The following ODAD2 variants were observed in gnomAD, a reference collection of about 807,000 sequenced individuals.
ODAD2 encodes outer dynein arm docking complex subunit 2, also known as outer dynein arm-docking complex subunit 2.
A neutral mutation model predicts 106.8 loss-of-function variants in ODAD2; 89 were observed. The observed-to-expected ratio is 0.83, with a 90% CI of 0.70 to 0.99. ODAD2 has a LOEUF of 0.99. Among genes scored for constraint, ODAD2 ranks in the 50% least tolerant of loss-of-function variants. ODAD2 has a pLI of 0.00. For missense variants in ODAD2, 1,168 were observed against 1,238.5 expected, an observed-to-expected ratio of 0.94 and a Z score of 0.85; for synonymous variants, 404 against 436.2, an observed-to-expected ratio of 0.93 and a Z score of 0.92.
intron 19 of ODAD2, among the ~76,000 whole-genome samples, chr10:27,840,557 C>T (rs902605043): frequency 2.0e-5 from 3 of 152,160 alleles, no homozygotes; most frequent in African/African-American, 7.2e-5. Context: ...CTGGGCCAAT[C>T]AGCTTCCCTT....
At chr10:27,846,229 G>T (rs1838739810) in intron 19 of ODAD2, among the ~76,000 whole-genome samples, 1 of 152,092 alleles carries the variant, frequency 6.6e-6, no homozygotes, top group South Asian at 2.1e-4. Flanking sequence ...CTGTCTCTCA[G>T]ACCACAGTGC....
At chr10:27,982,064 C>T (rs142773722) in intron 6 of ODAD2, among the ~76,000 whole-genome samples, 2 of 152,256 alleles carry the variant, frequency 1.3e-5, no homozygotes, top group East Asian at 1.9e-4. Flanking sequence ...CTCTGTGTAA[C>T]GATCTGTCCA....
chr10:27,998,151 C>G (rs558597340), intron 1 of ODAD2, among the ~76,000 whole-genome samples: 1 of 152,344 alleles, frequency 6.6e-6, no homozygotes, highest in South Asian at 2.1e-4. Flanking sequence ...AGGCAGCCAT[C>G]AGCTCTGAGA....
chr10:27,869,492 A>C (rs1371064698), intron 17 of ODAD2, among the ~76,000 whole-genome samples: 1 of 151,800 alleles, frequency 6.6e-6, no homozygotes, highest in Non-Finnish European at 1.5e-5. Flanking sequence ...AAAAATCTAT[A>C]ATCAGCAAGC....
chr10:27,960,106 C>T (rs1262604249), intron 10 of ODAD2, among the ~76,000 whole-genome samples: 1 of 151,722 alleles, frequency 6.6e-6, no homozygotes, highest in Non-Finnish European at 1.5e-5. Flanking sequence ...TTTTAAAACT[C>T]ACAAAATATT....
intron 16 of ODAD2, 103 bp downstream of exon 16, chr10:27,934,907 A>T: frequency 5.1e-6 from 7 of 1,377,704 alleles, no homozygotes; most frequent in African/African-American, 1.4e-5. Flanking sequence ...GTATTTTTTC[A>T]TCATTCGTGC....
rs1849402201 is a variant in ODAD2, at chr10:27,979,423, TAAG to T, written c.936+2040_936+2042del. ...GCATGATCTTGTATGCAGAAAAACC[TAAG>T]AATACACACACACACCCATACACAC... On this transcript the variant is annotated intron_variant, in intron 7 of 19. Transcript: ENST00000305242. Among the ~76,000 whole-genome samples, 6 of 142,224 alleles carry T rather than the reference TAAG, an allele frequency of 4.2e-5. No individual in the cohort carries two copies. In the South Asian group the frequency reaches 1.1e-3, roughly 27 times the overall value. 93.3% of individuals were successfully genotyped at this position (142,224 alleles called of 152,430 possible).
At chr10:27,975,950 G>A (rs1403520290) in intron 7 of ODAD2, among the ~76,000 whole-genome samples, 2 of 152,004 alleles carry the variant, frequency 1.3e-5, no homozygotes, top group Non-Finnish European at 2.9e-5. Context: ...GATTCAAGTG[G>A]GGTTTGTCTC....
intron 16 of ODAD2, among the ~76,000 whole-genome samples, chr10:27,923,522 A>G (rs919134877): frequency 2.6e-5 from 4 of 152,214 alleles, no homozygotes; most frequent in Non-Finnish European, 4.4e-5. Context: ...TACATTAATA[A>G]TAAGAGAATT....
At chr10:27,990,615 C>G (rs1459016851) in intron 2 of ODAD2, among the ~76,000 whole-genome samples, 1 of 152,252 alleles carries the variant, frequency 6.6e-6, no homozygotes, top group Non-Finnish European at 1.5e-5. Flanking sequence ...GACCCTACTA[C>G]TGTGACTTAG....
intron 19 of ODAD2, among the ~76,000 whole-genome samples, chr10:27,820,744 T>C (rs532131832): frequency 6.6e-6 from 1 of 151,788 alleles, no homozygotes; most frequent in Admixed American, 6.6e-5. Flanking sequence ...GGTTAAATTT[T>C]AGCTTAACAA....
chr10:27,958,762 T>C (rs4590766), intron 10 of ODAD2: 539,173 of 983,722 alleles, frequency 0.55, 148,578 homozygotes, highest in Middle Eastern at 0.68. Context: ...TCTTAATAAT[T>C]CTAATATAAG....
At chr10:27,882,225 G>GAAATAAATAAAT (rs1554799101) in intron 17 of ODAD2, among the ~76,000 whole-genome samples, 1 of 150,724 alleles carries the variant, frequency 6.6e-6, no homozygotes, top group African/African-American at 2.4e-5. Context: ...AAGAAAGAAA[G>GAAATAAATAAAT]AAAGAAAGAA....
intron 16 of ODAD2, among the ~76,000 whole-genome samples, chr10:27,920,703 G>C (rs1844713792): frequency 6.6e-6 from 1 of 152,112 alleles, no homozygotes; most frequent in South Asian, 2.1e-4. Context: ...TCTATTTTAT[G>C]TTTTGCATAA....
At chr10:27,968,423 C>A (rs1167089830) in intron 9 of ODAD2, among the ~76,000 whole-genome samples, 181 of 133,236 alleles carry the variant, frequency 1.4e-3, no homozygotes, top group African/African-American at 5.1e-3. Flanking sequence ...AAGTGGCTGA[C>A]CCTTATCTTC....
chr10:27,879,492 C>T (rs1841564989), intron 17 of ODAD2, among the ~76,000 whole-genome samples: 1 of 151,860 alleles, frequency 6.6e-6, no homozygotes, highest in Non-Finnish European at 1.5e-5. Flanking sequence ...TGCTTATACT[C>T]AGTAACCCAC....
intron 17 of ODAD2, among the ~76,000 whole-genome samples, chr10:27,878,669 T>C (rs544725117): frequency 6.6e-6 from 1 of 152,234 alleles, no homozygotes; most frequent in East Asian, 1.9e-4. Flanking sequence ...ACACTAACAT[T>C]AGAATAGCAT....
At chr10:27,939,758 A>G in intron 14 of ODAD2, 139 bp downstream of exon 14, 1 of 476,866 alleles carries the variant, frequency 2.1e-6, no homozygotes, top group South Asian at 5.4e-5. Context: ...AAAATAAATT[A>G]AAACTTAAAA....
chr10:27,885,400 C>T (rs148924529), intron 17 of ODAD2, among the ~76,000 whole-genome samples: 2,561 of 142,924 alleles, frequency 0.018, 85 homozygotes, highest in African/African-American at 0.062. Flanking sequence ...ATCCCAGCTA[C>T]GTGGGAGGCT....
Sources: allele counts gnomAD v4.1 joint callset (sites outside exome capture counted in the v4.1 genomes callset), GRCh38; gene constraint gnomAD v4.1.1; transcripts MANE v1.5; gene names NCBI Gene and HGNC (gene_info 2026-07-23, HGNC 2026-07-21).